The following HYCC2 variants were observed in gnomAD, a reference collection of about 807,000 sequenced individuals.
The protein encoded by HYCC2 is hyccin PI4KA lipid kinase complex subunit 2, also known as hyccin 2.
chr2:201,071,218 A>G, the HYCC2 span, among the ~76,000 whole-genome samples: 1 of 152,054 alleles, frequency 6.6e-6, no homozygotes, highest in Admixed American at 6.5e-5. Context: ...CTAAGAAGCA[A>G]TCACTGGGAT....
the HYCC2 span, among the ~76,000 whole-genome samples, chr2:200,993,370 G>T: frequency 3.9e-5 from 6 of 152,042 alleles, no homozygotes; most frequent in Non-Finnish European, 8.8e-5. Context: ...TTACTGGGAA[G>T]TATAGAGATC....
chr2:201,052,526 T>G, the HYCC2 span, among the ~76,000 whole-genome samples: 1 of 152,066 alleles, frequency 6.6e-6, no homozygotes, highest in South Asian at 2.1e-4. Context: ...GAAGATCACT[T>G]GAACCTGGGA....
chr2:201,013,197 A>G, the HYCC2 span, among the ~76,000 whole-genome samples: 4 of 150,850 alleles, frequency 2.7e-5, no homozygotes, highest in Non-Finnish European at 5.9e-5. Context: ...GGCCGGGCAC[A>G]GTGGCTCACG....
the HYCC2 span, among the ~76,000 whole-genome samples, chr2:201,035,577 C>T: frequency 1.3e-5 from 2 of 152,230 alleles, no homozygotes; most frequent in South Asian, 2.1e-4. Flanking sequence ...GTAGTCTGAT[C>T]GTCTGAAGCC....
At chr2:200,996,028 C>CTTTTTTTTTTTTTT in the HYCC2 span, 3 of 115,504 alleles carry the variant, frequency 2.6e-5, no homozygotes, top group Non-Finnish European at 5.3e-5. Context: ...TTTCTTTTTT[C>CTTTTTTTTTTTTTT]TTTTTTTTTT....
At chr2:200,992,229 T>C in the HYCC2 span, 1 of 1,091,722 alleles carries the variant, frequency 9.2e-7, no homozygotes. Context: ...TTTAACCTAG[T>C]ACCTTTTTTA....
the HYCC2 span, among the ~76,000 whole-genome samples, chr2:201,000,993 C>G: frequency 2.0e-5 from 3 of 151,562 alleles, no homozygotes; most frequent in Non-Finnish European, 4.4e-5. Context: ...AAAAAATTAG[C>G]CAGGCACGGT....
chr2:201,004,643 C>T, the HYCC2 span, among the ~76,000 whole-genome samples: 1 of 152,148 alleles, frequency 6.6e-6, no homozygotes, highest in Admixed American at 6.5e-5. Flanking sequence ...GCTCAGAGTA[C>T]TGTAAAAGGA....
At chr2:201,027,008 A>C in the HYCC2 span, among the ~76,000 whole-genome samples, 4 of 152,178 alleles carry the variant, frequency 2.6e-5, no homozygotes, top group African/African-American at 4.8e-5. Flanking sequence ...CCCTTCAAAA[A>C]ATCCATGAAT....
At chr2:201,043,093 C>A in the HYCC2 span, among the ~76,000 whole-genome samples, 5 of 152,172 alleles carry the variant, frequency 3.3e-5, no homozygotes, top group African/African-American at 9.7e-5. Flanking sequence ...AGGAAAAATT[C>A]TTCTGCCTTG....
chr2:201,058,080 C>A, the HYCC2 span, among the ~76,000 whole-genome samples: 1 of 152,268 alleles, frequency 6.6e-6, no homozygotes, highest in Non-Finnish European at 1.5e-5. Context: ...ATGCTACATT[C>A]CTCTCTGGAA....
At chr2:201,034,563 T>C in the HYCC2 span, among the ~76,000 whole-genome samples, 1 of 152,232 alleles carries the variant, frequency 6.6e-6, no homozygotes, top group Non-Finnish European at 1.5e-5. Flanking sequence ...TTTATCCAAT[T>C]TGCCAGTCTA....
chr2:201,063,869 A>G, the HYCC2 span: 1 of 1,593,984 alleles, frequency 6.3e-7, no homozygotes, highest in Non-Finnish European at 8.5e-7. Flanking sequence ...TGGAAGCTAC[A>G]ATGATTTTGG....
the HYCC2 span, among the ~76,000 whole-genome samples, chr2:201,015,682 C>A: frequency 6.6e-6 from 1 of 152,204 alleles, no homozygotes; most frequent in African/African-American, 2.4e-5. Context: ...AGAACCTAAA[C>A]CTAAACTCTT....
the HYCC2 span, among the ~76,000 whole-genome samples, chr2:201,059,720 T>C: frequency 6.6e-6 from 1 of 152,066 alleles, no homozygotes; most frequent in Admixed American, 6.6e-5. Flanking sequence ...CTCAACATCT[T>C]ATGTTGTCAA....
chr2:200,993,757 G>A, the HYCC2 span, among the ~76,000 whole-genome samples: 57 of 151,826 alleles, frequency 3.8e-4, no homozygotes, highest in Non-Finnish European at 7.4e-5. Context: ...TGAGGCAGGC[G>A]GATCACGAGG....
the HYCC2 span, chr2:201,017,281 T>A: frequency 1.3e-6 from 1 of 798,538 alleles, no homozygotes; most frequent in Non-Finnish European, 1.9e-6. Context: ...GTCTTAATAT[T>A]AATTTCTCCA....
At chr2:201,037,712 C>T in the HYCC2 span, among the ~76,000 whole-genome samples, 90 of 152,260 alleles carry the variant, frequency 5.9e-4, no homozygotes, top group Admixed American at 1.6e-3. Context: ...AATCTGGATG[C>T]CTTCCTTATA....
chr2:200,993,039 A>C, the HYCC2 span: 1 of 1,332,224 alleles, frequency 7.5e-7, no homozygotes. Context: ...TGATTTCCAG[A>C]TTCATCAAAT....
Sources: gnomAD v4.1 joint callset for allele counts (sites outside exome capture counted in the v4.1 genomes callset) on GRCh38, gnomAD v4.1.1 for gene constraint, MANE v1.5 for transcripts, NCBI Gene and HGNC (gene_info 2026-07-23, HGNC 2026-07-21) for gene names.